The following RCAN2 variants were observed in gnomAD, a reference collection of about 807,000 sequenced individuals.
The protein encoded by RCAN2 is calcipressin-2.
RCAN2 carries 9 observed loss-of-function variants against 23.6 expected under a neutral mutation model. That is an observed-to-expected ratio of 0.38 (90% CI 0.23 to 0.67). RCAN2 has a LOEUF of 0.67. Ranked by LOEUF, RCAN2 falls within the 30% of genes least tolerant of loss-of-function variation. The pLI, the probability that RCAN2 is intolerant of heterozygous loss-of-function variation, is 0.51. For missense variants in RCAN2, 273 were observed against 302.3 expected (o/e 0.90, Z 0.72); for synonymous variants, 109 against 115.7 (o/e 0.94, Z 0.37).
Position 46,221,834 on chromosome 6 carries a change from G to T in RCAN2, c.*1307C>A. ...TAGATGAGGCCTGGCACACATAGCAGAAGGTAATGGTTCTATAGGTGTATC... is the reference window on the plus strand; with the variant it reads ...TAGATGAGGCCTGGCACACATAGCATAAGGTAATGGTTCTATAGGTGTATC... On this transcript the variant is annotated 3_prime_UTR_variant, in exon 5 of 5. Transcript: ENST00000371374. 2.5e-6 allele frequency: 1 copy of T among 398,030 alleles called. No individual in the cohort carries two copies. Among genetic ancestry groups the T allele is most frequent in the Admixed American group, 4.4e-5 (1 of 22,728 alleles). 24.7% of individuals were successfully genotyped at this position (398,030 alleles called of 1,614,324 possible). A position where few individuals can be genotyped will look rare whatever the true frequency, so the allele number is the denominator to read the frequency against.
intron 2 of RCAN2, among the ~76,000 whole-genome samples, chr6:46,323,892 T>A (rs1293549831): frequency 6.6e-6 from 1 of 152,228 alleles, no homozygotes; most frequent in Non-Finnish European, 1.5e-5. Flanking sequence ...TTTCTCATTA[T>A]CTTTTCTGAA....
At chr6:46,488,738 A>T (rs1055076268) in intron 1 of RCAN2, among the ~76,000 whole-genome samples, 1 of 152,204 alleles carries the variant, frequency 6.6e-6, no homozygotes, top group African/African-American at 2.4e-5. Flanking sequence ...CATCCTCTAG[A>T]CATCTAAGCT....
chr6:46,385,860 CAAAAAAAAAAAAA>C (rs59568594), intron 2 of RCAN2, among the ~76,000 whole-genome samples: 3 of 39,646 alleles, frequency 7.6e-5, no homozygotes, highest in African/African-American at 3.2e-4. Flanking sequence ...CTCTCTCTCT[CAAAAAAAAAAAAA>C]AAAAAAAAAA....
At position 46,221,215 on chromosome 6, in the gene RCAN2, C is replaced by G. The variant is rs1360792076; in HGVS notation, c.*1926G>C. The G allele has an allele frequency of 1.3e-5, 2 of 152,416 alleles. No individual in the cohort carries two copies. Among genetic ancestry groups the G allele is most frequent in the South Asian group, 2.1e-4 (1 of 4,834 alleles). The allele number at this position is 152,416 out of a possible 1,614,324, so 9.4% of individuals were successfully genotyped here. ...TAAAAATCATTTTCAAATACTTTCTCTCATCTAGATTTCTTTAGAACCTGC... is the reference window on the plus strand; with the variant it reads ...TAAAAATCATTTTCAAATACTTTCTGTCATCTAGATTTCTTTAGAACCTGC... On this transcript the variant is annotated 3_prime_UTR_variant, in exon 5 of 5. Coordinates refer to ENST00000371374, the MANE Select transcript of RCAN2 (RefSeq NM_001251974.2).
chr6:46,473,598 T>C (rs996933521), intron 1 of RCAN2, among the ~76,000 whole-genome samples: 2 of 152,198 alleles, frequency 1.3e-5, no homozygotes, highest in African/African-American at 2.4e-5. Context: ...TAGTCCAGTA[T>C]ATGCTCAGTG....
chr6:46,473,465 C>T (rs959104862), intron 1 of RCAN2, among the ~76,000 whole-genome samples: 1 of 152,024 alleles, frequency 6.6e-6, no homozygotes, highest in African/African-American at 2.4e-5. Context: ...TCTCTTTAAA[C>T]AATAAACTAT....
At chr6:46,445,479 A>G (rs893460686) in intron 2 of RCAN2, among the ~76,000 whole-genome samples, 1 of 152,238 alleles carries the variant, frequency 6.6e-6, no homozygotes, top group Non-Finnish European at 1.5e-5. Context: ...AGACAGGAAT[A>G]AGTCCCTACT....
chr6:46,382,015 C>T (rs12524394), intron 2 of RCAN2, among the ~76,000 whole-genome samples: 2 of 152,126 alleles, frequency 1.3e-5, no homozygotes, highest in African/African-American at 4.8e-5. Flanking sequence ...AAACTAGCCC[C>T]TAAGCAACAT....
chr6:46,270,323 C>T (rs1428734464), intron 2 of RCAN2, among the ~76,000 whole-genome samples: 1 of 152,156 alleles, frequency 6.6e-6, no homozygotes, highest in Non-Finnish European at 1.5e-5. Context: ...AATGGGCCTC[C>T]GCACCATCTG....
At chr6:46,316,464 C>G (rs1451814972) in intron 2 of RCAN2, among the ~76,000 whole-genome samples, 1 of 152,182 alleles carries the variant, frequency 6.6e-6, no homozygotes, top group Non-Finnish European at 1.5e-5. Context: ...ACTCTGGAGA[C>G]TAGACTTCCT....
At chr6:46,378,140 C>T (rs577904448) in intron 2 of RCAN2, among the ~76,000 whole-genome samples, 1 of 152,260 alleles carries the variant, frequency 6.6e-6, no homozygotes, top group South Asian at 2.1e-4. Flanking sequence ...ATCGTGGTGC[C>T]AGTTCAGGGA....
chr6:46,376,928 T>C (rs1225545537), intron 2 of RCAN2, among the ~76,000 whole-genome samples: 1 of 151,048 alleles, frequency 6.6e-6, no homozygotes, highest in African/African-American at 2.4e-5. Flanking sequence ...GAAGTGTAGA[T>C]AGGGCATTTG....
At chr6:46,468,907 T>C in intron 1 of RCAN2, 1 of 908,868 alleles carries the variant, frequency 1.1e-6, no homozygotes. Flanking sequence ...TCTCTCCTCC[T>C]TAACTTTACT....
chr6:46,467,311 C>A (rs1219111633), intron 1 of RCAN2, among the ~76,000 whole-genome samples: 1 of 152,194 alleles, frequency 6.6e-6, no homozygotes, highest in Non-Finnish European at 1.5e-5. Flanking sequence ...TGACCTTGGA[C>A]AAATCACTTA....
At chr6:46,486,682 C>T (rs184317449) in intron 1 of RCAN2, among the ~76,000 whole-genome samples, 1 of 152,260 alleles carries the variant, frequency 6.6e-6, no homozygotes, top group Non-Finnish European at 1.5e-5. Context: ...TCTTTTTATG[C>T]ATACATTCCA....
intron 2 of RCAN2, among the ~76,000 whole-genome samples, chr6:46,278,382 C>G (rs956082058): frequency 3.9e-5 from 6 of 151,966 alleles, no homozygotes; most frequent in Admixed American, 6.6e-5. Flanking sequence ...ATCCTTTACA[C>G]ACACACACAC....
intron 2 of RCAN2, among the ~76,000 whole-genome samples, chr6:46,411,341 G>A (rs1766544901): frequency 6.6e-6 from 1 of 152,208 alleles, no homozygotes; most frequent in African/African-American, 2.4e-5. Flanking sequence ...GGAGGATGGG[G>A]AGCTATTGTT....
intron 4 of RCAN2, among the ~76,000 whole-genome samples, chr6:46,242,293 C>A (rs1013304505): frequency 1.3e-5 from 2 of 152,186 alleles, no homozygotes; most frequent in African/African-American, 4.8e-5. Flanking sequence ...GAACTACAGA[C>A]TGTTTTGCCC....
chr6:46,376,828 A>G (rs544473402), intron 2 of RCAN2, among the ~76,000 whole-genome samples: 83 of 152,100 alleles, frequency 5.5e-4, no homozygotes, highest in Non-Finnish European at 9.4e-4. Flanking sequence ...TCTGTAACAG[A>G]GGCAAAGTTT....
Sources: gnomAD v4.1 joint callset for allele counts (sites outside exome capture counted in the v4.1 genomes callset) on GRCh38, gnomAD v4.1.1 for gene constraint, MANE v1.5 for transcripts, NCBI Gene and HGNC (gene_info 2026-07-23, HGNC 2026-07-21) for gene names.